The following MSH4 variants were observed in gnomAD, a reference collection of about 807,000 sequenced individuals.
MSH4 encodes mutS homolog 4, also known as mutS protein homolog 4.
A neutral mutation model predicts 113.7 loss-of-function variants in MSH4; 106 were observed. The ratio of observed to expected loss-of-function variants is 0.93; its 90% CI spans 0.80 to 1.10. MSH4 has a LOEUF of 1.10. Among genes scored for constraint, MSH4 ranks in the 50% least tolerant of loss-of-function variants. The probability of loss-of-function intolerance (pLI) is 0.00; values close to 1 mark genes in which losing one functional copy is unlikely to be tolerated. For synonymous variants in MSH4, 368 were observed against 380.2 expected (o/e 0.97, Z 0.37); for missense variants, 1,061 against 1,093.7 (o/e 0.97, Z 0.42).
chr1:75,903,043 A>G (rs1215156859), intron 19 of MSH4, among the ~76,000 whole-genome samples: 2 of 150,808 alleles, frequency 1.3e-5, no homozygotes, highest in East Asian at 3.9e-4. Flanking sequence ...GAAGCTTTTT[A>G]ACATAATGTA....
rs1198722667 is a variant in MSH4 at position 75,885,059 on chromosome 1, G to GTATATATA, written c.2107+1247_2107+1254dup. On this transcript the variant is annotated intron_variant, in intron 15 of 19. Coordinates refer to ENST00000263187, the MANE Select transcript of MSH4 (RefSeq NM_002440.4). ...TGTGTGTGTGTGTGTGTGTGTGTGT[G>GTATATATA]TATATATATATATATACCAGCCAGG... Among the ~76,000 whole-genome samples the GTATATATA allele has an allele frequency of 4.5e-3, 507 of 112,502 alleles. 1 individual carries two copies. The highest frequency in any genetic ancestry group is 7.7e-3 in the Admixed American group (78 of 10,172). The allele number at this position is 112,502 out of a possible 152,430, so 73.8% of individuals were successfully genotyped here.
intron 7 of MSH4, among the ~76,000 whole-genome samples, chr1:75,829,689 C>T (rs961699389): frequency 7.2e-5 from 11 of 152,178 alleles, no homozygotes; most frequent in African/African-American, 2.7e-4. Context: ...TGGATAGGAC[C>T]TCCAGCAAAC....
At chr1:75,896,394 C>CACA (rs571761055) in intron 17 of MSH4, among the ~76,000 whole-genome samples, 2 of 147,168 alleles carry the variant, frequency 1.4e-5, no homozygotes, top group Non-Finnish European at 3.0e-5. Context: ...CACACACACA[C>CACA]CCTATTGGTC....
At chr1:75,833,800 C>T (rs750318406) in intron 7 of MSH4, among the ~76,000 whole-genome samples, 18 of 152,178 alleles carry the variant, frequency 1.2e-4, no homozygotes, top group East Asian at 3.8e-4. Flanking sequence ...GGATTAAAGA[C>T]GCAAATGTTA....
chr1:75,873,851 G>A (rs1382378431), intron 9 of MSH4, among the ~76,000 whole-genome samples: 1 of 151,960 alleles, frequency 6.6e-6, no homozygotes, highest in Non-Finnish European at 1.5e-5. Flanking sequence ...CCATGTCTTT[G>A]CTATATTGTG....
At chr1:75,844,469 G>A (rs1366306923) in intron 7 of MSH4, among the ~76,000 whole-genome samples, 2 of 152,092 alleles carry the variant, frequency 1.3e-5, no homozygotes, top group Non-Finnish European at 2.9e-5. Flanking sequence ...TGGGACTACA[G>A]GTGGGCACCA....
chr1:75,803,100 A>T (rs1649975506), intron 1 of MSH4, among the ~76,000 whole-genome samples: 1 of 152,128 alleles, frequency 6.6e-6, no homozygotes, highest in Non-Finnish European at 1.5e-5. Flanking sequence ...CTGGGGATTA[A>T]ATTTCAATGT....
intron 19 of MSH4, among the ~76,000 whole-genome samples, chr1:75,903,530 TA>T (rs1652556642): frequency 6.6e-6 from 1 of 152,142 alleles, no homozygotes; most frequent in Non-Finnish European, 1.5e-5. Flanking sequence ...TGGTTCCATA[TA>T]AATTTTAGGA....
chr1:75,864,547 A>G (rs1299731207), intron 8 of MSH4, among the ~76,000 whole-genome samples: 1 of 152,192 alleles, frequency 6.6e-6, no homozygotes, highest in African/African-American at 2.4e-5. Flanking sequence ...TAGCCGTAGC[A>G]TTTTAATAAA....
chr1:75,887,067 AC>A (rs1488271266), intron 15 of MSH4, among the ~76,000 whole-genome samples: 3 of 151,802 alleles, frequency 2.0e-5, no homozygotes, highest in African/African-American at 7.3e-5. Context: ...TAAATCCTTT[AC>A]CTTAGTCTTC....
At chr1:75,899,026 T>C (rs547568996) in intron 18 of MSH4, among the ~76,000 whole-genome samples, 2 of 152,316 alleles carry the variant, frequency 1.3e-5, no homozygotes, top group South Asian at 4.1e-4. Context: ...TAAATTTTGA[T>C]GTTGCTTCTA....
At chr1:75,833,669 A>C (rs1650760584) in intron 7 of MSH4, among the ~76,000 whole-genome samples, 1 of 152,236 alleles carries the variant, frequency 6.6e-6, no homozygotes, top group Admixed American at 6.5e-5. Flanking sequence ...ACCTGACAAA[A>C]ACAAGAAATG....
Position 75,883,756 on chromosome 1 carries a change from C to T in MSH4, c.2042C>T (p.Pro681Leu). 1 of 1,613,154 alleles carries T rather than the reference C, an allele frequency of 6.2e-7. No homozygotes were observed. Among genetic ancestry groups the T allele is most frequent in the Non-Finnish European group, 8.5e-7 (1 of 1,179,538 alleles). The change falls in exon 15 of 20, where the codon CCA becomes CTA. Residue 681 changes from proline to leucine, a missense_variant. Pro to Leu is a moderately conservative substitution (Grantham distance 98). Transcript: ENST00000263187. Reference sequence around the variant, plus strand: ...AGTAATTTTTTGATCATAACTGGACCAAACATGAGTGGAAAATCCACATAT... The same window carrying T: ...AGTAATTTTTTGATCATAACTGGACTAAACATGAGTGGAAAATCCACATAT... ...EGSNFLIITG[P>L]NMSGKSTYLK...
intron 7 of MSH4, among the ~76,000 whole-genome samples, chr1:75,840,296 T>C (rs1207987929): frequency 7.1e-6 from 1 of 141,628 alleles, no homozygotes; most frequent in African/African-American, 2.6e-5. Context: ...TAGACTGGAT[T>C]AAGAAAATGT....
chr1:75,835,872 T>G (rs1650816353), intron 7 of MSH4, among the ~76,000 whole-genome samples: 1 of 152,210 alleles, frequency 6.6e-6, no homozygotes, highest in Admixed American at 6.5e-5. Context: ...AGACTGCTCT[T>G]GTCAAGGTCA....
chr1:75,839,852 G>T (rs1650914389), intron 7 of MSH4, among the ~76,000 whole-genome samples: 1 of 146,722 alleles, frequency 6.8e-6, no homozygotes, highest in Non-Finnish European at 1.5e-5. Flanking sequence ...TCAAAAAGTG[G>T]GTGAAGGACA....
At chr1:75,839,147 T>A (rs926752024) in intron 7 of MSH4, among the ~76,000 whole-genome samples, 1 of 152,232 alleles carries the variant, frequency 6.6e-6, no homozygotes, top group Non-Finnish European at 1.5e-5. Flanking sequence ...TTTAAGTTTT[T>A]AAATTCCTTA....
chr1:75,840,976 A>G (rs1488191483), intron 7 of MSH4, among the ~76,000 whole-genome samples: 2 of 152,210 alleles, frequency 1.3e-5, no homozygotes, highest in East Asian at 3.9e-4. Flanking sequence ...CTTTGTCTTA[A>G]AAGAAGGAGT....
chr1:75,879,044 T>G lies in MSH4; in HGVS notation c.1593T>G (p.Phe531Leu). 6.2e-7 allele frequency: 1 copy of G among 1,610,396 alleles called. No homozygotes were observed. The highest frequency in any genetic ancestry group is 8.5e-7 in the Non-Finnish European group (1 of 1,176,820). Reference sequence around the variant, plus strand: ...ATAGTCTACCTTTAAGGACAAGTTTTAGCTCTGCTCGAGGATTTTTCATCC... The same window carrying G: ...ATAGTCTACCTTTAAGGACAAGTTTGAGCTCTGCTCGAGGATTTTTCATCC... ...EKYSLPLRTS[F>L]SSARGFFIQM... The change falls in exon 12 of 20, where the codon TTT becomes TTG. Residue 531 changes from phenylalanine (F) to leucine (L), a missense_variant. Coordinates refer to ENST00000263187, the MANE Select transcript of MSH4 (RefSeq NM_002440.4).
Sources: allele counts gnomAD v4.1 joint callset (sites outside exome capture counted in the v4.1 genomes callset), GRCh38; gene constraint gnomAD v4.1.1; transcripts MANE v1.5; gene names NCBI Gene and HGNC (gene_info 2026-07-23, HGNC 2026-07-21).